Variants in ADCY10 observed in about 807,000 individuals in gnomAD.
ADCY10 encodes adenylate cyclase type 10.
In ADCY10, 156 loss-of-function variants were observed where a neutral mutation model predicts 183.3. The observed-to-expected ratio is 0.85, with a 90% CI of 0.75 to 0.97. ADCY10 has a LOEUF of 0.97. Among genes scored for constraint, ADCY10 ranks in the 50% least tolerant of loss-of-function variants. ADCY10 has a pLI of 0.00. For synonymous variants in ADCY10, 645 were observed against 670.0 expected (o/e 0.96, Z 0.58); for missense variants, 1,745 against 1,934.3 (o/e 0.90, Z 1.84).
At chr1:167,834,547 A>T (rs1664048020) in intron 23 of ADCY10, 1 of 253,336 alleles carries the variant, frequency 3.9e-6, no homozygotes, top group African/African-American at 2.2e-5. Context: ...TGGGAGGTGG[A>T]TGAGGAAGTA....
At chr1:167,870,910 G>T (rs1418988589) in intron 13 of ADCY10, among the ~76,000 whole-genome samples, 3 of 151,794 alleles carry the variant, frequency 2.0e-5, no homozygotes, top group Non-Finnish European at 2.9e-5. Flanking sequence ...GAGCTTTTTA[G>T]CTAACCATGT....
intron 13 of ADCY10, among the ~76,000 whole-genome samples, chr1:167,873,381 C>A (rs1383111779): frequency 6.6e-6 from 1 of 152,172 alleles, no homozygotes; most frequent in Non-Finnish European, 1.5e-5. Flanking sequence ...TGTTGCCCTC[C>A]TTCAGGCTCT....
chr1:167,876,109 T>C (rs1435710580), intron 12 of ADCY10, among the ~76,000 whole-genome samples: 2 of 152,024 alleles, frequency 1.3e-5, no homozygotes, highest in Non-Finnish European at 2.9e-5. Flanking sequence ...ATACAAAAAT[T>C]AGCTGGGCGT....
At chr1:167,833,548 C>T (rs1381888598) in intron 24 of ADCY10, among the ~76,000 whole-genome samples, 2 of 152,122 alleles carry the variant, frequency 1.3e-5, no homozygotes, top group African/African-American at 2.4e-5. Flanking sequence ...GAGTTTGAGA[C>T]CAGCCTGGCC....
intron 18 of ADCY10, among the ~76,000 whole-genome samples, chr1:167,848,951 C>T (rs974413415): frequency 1.3e-5 from 2 of 152,070 alleles, no homozygotes; most frequent in Non-Finnish European, 2.9e-5. Flanking sequence ...CGCTGGAAAC[C>T]TTATTCTAAG....
chr1:167,848,437 A>G lies in ADCY10; in HGVS notation c.2361T>C (p.Asp787=), dbSNP rs754181947. 63 of 1,613,628 alleles carry G rather than the reference A, an allele frequency of 3.9e-5. No individual in the cohort carries two copies. Among genetic ancestry groups the G allele is most frequent in the Non-Finnish European group, 5.3e-5 (62 of 1,179,672 alleles). Residue 787 remains aspartate (D), a synonymous_variant, in exon 19 of 33, where the codon GAT becomes GAC. Coordinates refer to ENST00000367851, the MANE Select transcript of ADCY10 (RefSeq NM_018417.6). ...EKLNMVTLHS[D]KESEEVCHLT... is the part of the protein sequence containing the mutation. The stretch of plus-strand genomic sequence containing the variant: ...GGTGACAGACTTCTTCACTTTCCTT[A>G]TCACTATGGAGAGTAACCATGTTTA...
At chr1:167,875,345 G>A (rs1375185701) in intron 12 of ADCY10, among the ~76,000 whole-genome samples, 159 bp from the exon 13 acceptor site, 1 of 152,220 alleles carries the variant, frequency 6.6e-6, no homozygotes, top group Non-Finnish European at 1.5e-5. Flanking sequence ...AAGGAGAAAC[G>A]AGAAGGTCTG....
Position 167,880,601 on chromosome 1 carries a change from A to G in ADCY10, c.1029T>C (p.Ser343=). 6.2e-7 allele frequency: 1 copy of G among 1,612,806 alleles called. No individual in the cohort carries two copies. The highest frequency in any genetic ancestry group is 8.5e-7 in the Non-Finnish European group (1 of 1,178,760). ...NKVFMFDKGC[S]FLCVFGFPGE... ...CAGGGAAGCCAAAGACACAGAGGAA[A>G]GAGCAGCCCTGTGAGGGAGAGAGAC... The change falls in exon 10 of 33, where the codon TCT becomes TCC. Residue 343 remains serine, a synonymous_variant. Transcript: ENST00000367851.
intron 14 of ADCY10, among the ~76,000 whole-genome samples, chr1:167,862,231 C>T (rs1666338921): frequency 6.6e-6 from 1 of 152,184 alleles, no homozygotes; most frequent in Non-Finnish European, 1.5e-5. Context: ...GCCTCTAGGG[C>T]CTCAAAGTGT....
chr1:167,874,840 T>C (rs953340396), intron 13 of ADCY10, among the ~76,000 whole-genome samples: 1 of 152,166 alleles, frequency 6.6e-6, no homozygotes, highest in East Asian at 1.9e-4. Context: ...TAACATACCA[T>C]TGAGTAAGAG....
intron 31 of ADCY10, among the ~76,000 whole-genome samples, chr1:167,816,859 C>T (rs969119909): frequency 3.9e-5 from 6 of 152,096 alleles, no homozygotes; most frequent in African/African-American, 1.2e-4. Context: ...CTTAGATCTA[C>T]ATAAAGAAAG....
intron 14 of ADCY10, among the ~76,000 whole-genome samples, chr1:167,866,264 G>A (rs2102100868): frequency 6.6e-6 from 1 of 152,230 alleles, no homozygotes; most frequent in South Asian, 2.1e-4. Context: ...AGCGAGAGAA[G>A]CCCCCTTATA....
At chr1:167,834,168 G>A in intron 23 of ADCY10, 91 bp from the exon 24 acceptor site, 1 of 937,560 alleles carries the variant, frequency 1.1e-6, no homozygotes. Flanking sequence ...TGAAGTAAGA[G>A]ATGCAGGAGC....
At chr1:167,848,304 C>T in intron 19 of ADCY10, 57 bp downstream of exon 19, 1 of 1,474,398 alleles carries the variant, frequency 6.8e-7, no homozygotes, top group Non-Finnish European at 9.4e-7. Context: ...CCGCCTCGGC[C>T]TCCCAAAGTG....
At chr1:167,896,073 A>C (rs1668952392) in intron 7 of ADCY10, among the ~76,000 whole-genome samples, 1 of 152,180 alleles carries the variant, frequency 6.6e-6, no homozygotes, top group South Asian at 2.1e-4. Flanking sequence ...CTGGTTTGGC[A>C]AATTAATGGT....
Position 167,824,810 on chromosome 1 carries a change from C to T in ADCY10, c.3796G>A (p.Gly1266Ser). ...LDYSLYHHLA[G>S]YKGVWFKYEV... is the part of the protein sequence containing the mutation. ...TATTTGAACCACACACCTTTGTAGC[C>T]AGCCAGGTGGTGGTATAGCGAATAG... The change falls in exon 27 of 33, where the codon GGC becomes AGC. Residue 1266 changes from glycine to serine, a missense_variant. Gly to Ser is a moderately conservative substitution (Grantham distance 56). Transcript: ENST00000367851. 5.6e-6 allele frequency: 9 copies of T among 1,614,226 alleles called. No individual in the cohort carries two copies. Among genetic ancestry groups the T allele is most frequent in the Non-Finnish European group, 6.8e-6 (8 of 1,180,050 alleles).
intron 5 of ADCY10, among the ~76,000 whole-genome samples, chr1:167,900,499 CTTTGA>C (rs1432556703): frequency 6.6e-6 from 1 of 151,822 alleles, no homozygotes; most frequent in Non-Finnish European, 1.5e-5. Context: ...ATTATAATAA[CTTTGA>C]TTTTTTTTTC....
At chr1:167,867,844 G>A (rs918158272) in intron 14 of ADCY10, among the ~76,000 whole-genome samples, 2 of 152,176 alleles carry the variant, frequency 1.3e-5, no homozygotes, top group Non-Finnish European at 2.9e-5. Flanking sequence ...ATGTGCAAAT[G>A]TGTGTAATTA....
intron 12 of ADCY10, among the ~76,000 whole-genome samples, chr1:167,875,909 C>T (rs1034458225): frequency 1.3e-5 from 2 of 151,788 alleles, no homozygotes; most frequent in African/African-American, 4.8e-5. Flanking sequence ...GCCGAGATCG[C>T]ACCACTGCAC....
Sources: allele counts gnomAD v4.1 joint callset (sites outside exome capture counted in the v4.1 genomes callset), GRCh38; gene constraint gnomAD v4.1.1; transcripts MANE v1.5; gene names NCBI Gene and HGNC (gene_info 2026-07-23, HGNC 2026-07-21).